The following TIAM2 variants were observed in gnomAD, a reference collection of about 807,000 sequenced individuals.
TIAM2 encodes the protein rho guanine nucleotide exchange factor TIAM2.
In TIAM2, 80 loss-of-function variants were observed where a neutral mutation model predicts 152.9. That is an observed-to-expected ratio of 0.52 (90% CI 0.44 to 0.63). TIAM2 has a LOEUF of 0.63. TIAM2 is among the 30% of genes least tolerant of loss of function. The probability of loss-of-function intolerance (pLI) is 0.00; values close to 1 mark genes in which losing one functional copy is unlikely to be tolerated. For synonymous variants in TIAM2, 804 were observed against 838.0 expected (o/e 0.96, Z 0.70); for missense variants, 1,965 against 2,120.1 (o/e 0.93, Z 1.44).
Position 155,240,643 on chromosome 6 carries a change from G to C in TIAM2, c.3282G>C (p.Leu1094=), listed in dbSNP as rs535726105. 33 of 1,613,926 alleles carry C rather than the reference G, an allele frequency of 2.0e-5. No individual in the cohort carries two copies. Among genetic ancestry groups the C allele is most frequent in the Non-Finnish European group, 2.7e-5 (32 of 1,180,052 alleles). ...CTCCGAGGTCTCTGGCCCGCCACCT[G>C]TCTGATGCAGACCGCCTCCGCAAAG... ...DPPPRSLARH[L]SDADRLRKVI... The change falls in exon 16 of 27, where the codon CTG becomes CTC. Residue 1094 remains leucine, a synonymous_variant. Transcript: ENST00000682666.
At chr6:155,038,550 C>T (rs577955781) in intron 1 of TIAM2, among the ~76,000 whole-genome samples, 2 of 152,354 alleles carry the variant, frequency 1.3e-5, no homozygotes, top group East Asian at 3.9e-4. Flanking sequence ...ATTGAAACTA[C>T]TAAGACAATG....
At chr6:155,206,236 T>C (rs549301533) in intron 14 of TIAM2, among the ~76,000 whole-genome samples, 1 of 152,212 alleles carries the variant, frequency 6.6e-6, no homozygotes, top group African/African-American at 2.4e-5. Context: ...ACTGTCATCC[T>C]TGTCCACAGC....
At chr6:155,003,473 C>A (rs528601341) in intron 1 of TIAM2, among the ~76,000 whole-genome samples, 6 of 152,176 alleles carry the variant, frequency 3.9e-5, no homozygotes, top group Admixed American at 1.3e-4. Flanking sequence ...GAGTGAGACT[C>A]TGTCTCAAAA....
At chr6:155,182,779 A>G (rs1278374731) in intron 13 of TIAM2, among the ~76,000 whole-genome samples, 3 of 152,158 alleles carry the variant, frequency 2.0e-5, no homozygotes, top group Non-Finnish European at 2.9e-5. Flanking sequence ...GAACACTAGA[A>G]AAAACAACGA....
intron 1 of TIAM2, among the ~76,000 whole-genome samples, chr6:155,039,718 A>G (rs1776986478): frequency 1.3e-5 from 2 of 152,160 alleles, no homozygotes; most frequent in Non-Finnish European, 2.9e-5. Flanking sequence ...TCCCAGAACC[A>G]TAGGAGGGGC....
At chr6:155,168,316 A>G (rs1780493354) in intron 9 of TIAM2, among the ~76,000 whole-genome samples, 1 of 152,210 alleles carries the variant, frequency 6.6e-6, no homozygotes, top group Non-Finnish European at 1.5e-5. Flanking sequence ...CTTCAGAAAC[A>G]TGTACTTTTT....
At chr6:155,155,158 A>T (rs1780074572) in intron 7 of TIAM2, among the ~76,000 whole-genome samples, 1 of 152,066 alleles carries the variant, frequency 6.6e-6, no homozygotes, top group Non-Finnish European at 1.5e-5. Context: ...TAAGGCAGGC[A>T]ATAGGGAGAT....
At chr6:155,224,425 A>G (rs1336750801) in intron 15 of TIAM2, among the ~76,000 whole-genome samples, 2 of 152,234 alleles carry the variant, frequency 1.3e-5, no homozygotes, top group Non-Finnish European at 2.9e-5. Context: ...ATCCAGGTAC[A>G]CATGATGGTA....
intron 10 of TIAM2, among the ~76,000 whole-genome samples, chr6:155,177,244 T>C (rs2115131022): frequency 6.6e-6 from 1 of 152,360 alleles, no homozygotes; most frequent in Middle Eastern, 3.4e-3. Context: ...TATGTATACT[T>C]TGATATCTAG....
At chr6:155,056,075 A>G (rs543689427) in intron 1 of TIAM2, among the ~76,000 whole-genome samples, 4 of 151,500 alleles carry the variant, frequency 2.6e-5, no homozygotes, top group Non-Finnish European at 5.9e-5. Flanking sequence ...GTTCATTAAA[A>G]CTACCTTTTA....
chr6:155,046,826 C>G (rs963470193), intron 1 of TIAM2, among the ~76,000 whole-genome samples: 5 of 152,124 alleles, frequency 3.3e-5, no homozygotes, highest in African/African-American at 1.2e-4. Flanking sequence ...GGCAGCTGCC[C>G]CTCCCAGACT....
intron 1 of TIAM2, among the ~76,000 whole-genome samples, chr6:155,074,267 G>A (rs904216201): frequency 2.6e-5 from 4 of 152,164 alleles, no homozygotes; most frequent in African/African-American, 9.6e-5. Flanking sequence ...GTAAAATAGT[G>A]CACCATGACT....
chr6:155,249,903 G>A lies in TIAM2; in HGVS notation c.3885G>A (p.Lys1295=), dbSNP rs1025847612. 1.2e-6 allele frequency: 2 copies of A among 1,614,148 alleles called. No homozygotes were observed. Among genetic ancestry groups the A allele is most frequent in the Non-Finnish European group, 1.7e-6 (2 of 1,180,022 alleles). The change falls in exon 21 of 27, where the codon AAG becomes AAA. Residue 1295 remains lysine, a synonymous_variant. Transcript: ENST00000682666. ...KVASHINEMQ[K]IYEDYGTVFD... ...CGAGCCACATCAATGAGATGCAGAA[G>A]ATCTATGAGGATTATGGGACCGTGT... is the stretch of plus-strand genomic sequence containing the variant.
chr6:155,222,064 A>C (rs1782064069), intron 15 of TIAM2, among the ~76,000 whole-genome samples: 1 of 151,626 alleles, frequency 6.6e-6, no homozygotes, highest in Non-Finnish European at 1.5e-5. Context: ...AGCAATTCTT[A>C]TGCCTCAGCC....
intron 2 of TIAM2, among the ~76,000 whole-genome samples, chr6:155,113,884 A>G (rs1288067508): frequency 6.6e-6 from 1 of 151,492 alleles, no homozygotes; most frequent in East Asian, 1.9e-4. Context: ...GTGAACATTT[A>G]TTGCCTTAAT....
Position 155,066,814 on chromosome 6 carries a change from G to A in TIAM2, c.-208-23475G>A, listed in dbSNP as rs141258375. On this transcript the variant is annotated intron_variant, in intron 1 of 26. Coordinates refer to ENST00000682666, the MANE Select transcript of TIAM2 (RefSeq NM_012454.4). ...TCTGTCGCCCAGGCTGGAGTGCAGT[G>A]GTGCGATCTTGGCTCACTGCAACCT... Among the ~76,000 whole-genome samples, 694 of 152,098 alleles carry A rather than the reference G, an allele frequency of 4.6e-3. 4 individuals carry two copies. Among genetic ancestry groups the A allele is most frequent in the African/African-American group, 0.016 (654 of 41,498 alleles).
rs71023612 is a variant in TIAM2 at position 155,057,017 on chromosome 6, C to CTTTTTTTTTTTTT, written c.-208-33255_-208-33243dup. Among the ~76,000 whole-genome samples the CTTTTTTTTTTTTT allele has an allele frequency of 9.1e-4, 40 of 43,870 alleles. 7 individuals carry two copies. Among genetic ancestry groups the CTTTTTTTTTTTTT allele is most frequent in the Admixed American group, 2.7e-3 (7 of 2,582 alleles). The allele number at this position is 43,870 out of a possible 152,430, so 28.8% of individuals were successfully genotyped here. On this transcript the variant is annotated intron_variant, in intron 1 of 26. Coordinates refer to ENST00000682666, the MANE Select transcript of TIAM2 (RefSeq NM_012454.4). ...AGTAGAATGTTCCTCAGTTTTCTTT[C>CTTTTTTTTTTTTT]TTTTTTTTTTTTTTTTTTTTTTTTT... is the stretch of plus-strand genomic sequence containing the variant.
At chr6:155,226,628 G>A (rs1038952502) in intron 15 of TIAM2, among the ~76,000 whole-genome samples, 1 of 146,562 alleles carries the variant, frequency 6.8e-6, no homozygotes, top group Non-Finnish European at 1.5e-5. Flanking sequence ...TCGTGCCACT[G>A]CACTCCAGCC....
intron 1 of TIAM2, among the ~76,000 whole-genome samples, chr6:155,064,738 C>T (rs1777651407): frequency 6.6e-6 from 1 of 152,164 alleles, no homozygotes; most frequent in Non-Finnish European, 1.5e-5. Context: ...AAGAACAAGG[C>T]ATCCTTCTTT....
Sources: allele counts gnomAD v4.1 joint callset (sites outside exome capture counted in the v4.1 genomes callset), GRCh38; gene constraint gnomAD v4.1.1; transcripts MANE v1.5; gene names NCBI Gene and HGNC (gene_info 2026-07-23, HGNC 2026-07-21).